Variants in NBEAL1 observed in about 807,000 individuals in gnomAD.
NBEAL1 encodes the protein neurobeachin-like protein 1.
Under a neutral mutation model 351.3 loss-of-function variants are expected in NBEAL1, and 273 were observed. The observed-to-expected ratio is 0.78, with a 90% confidence interval of 0.70 to 0.86. The LOEUF (loss-of-function observed/expected upper bound fraction) is 0.86. NBEAL1 is among the 40% of genes least tolerant of loss of function. The probability of loss-of-function intolerance (pLI) is 0.00; values close to 1 mark genes in which losing one functional copy is unlikely to be tolerated. For missense variants in NBEAL1, 2,961 were observed against 3,201.3 expected, an observed-to-expected ratio of 0.92 and a Z score of 1.81; for synonymous variants, 1,050 against 1,086.4, an observed-to-expected ratio of 0.97 and a Z score of 0.66.
At chr2:203,017,414 ATATATAT>A (rs2060699486) in intron 2 of NBEAL1, among the ~76,000 whole-genome samples, 1 of 152,150 alleles carries the variant, frequency 6.6e-6, no homozygotes, top group African/African-American at 2.4e-5. Context: ...TCCTGGTTTG[ATATATAT>A]TATAATTGCT....
intron 21 of NBEAL1, 98 bp downstream of exon 21, chr2:203,126,191 T>C: frequency 8.1e-7 from 1 of 1,233,854 alleles, no homozygotes; most frequent in Non-Finnish European, 1.1e-6. Flanking sequence ...TTAAAGATTA[T>C]TACAACTTGA....
At chr2:203,081,000 A>G (rs1162234693) in intron 8 of NBEAL1, among the ~76,000 whole-genome samples, 3 of 152,224 alleles carry the variant, frequency 2.0e-5, no homozygotes, top group African/African-American at 4.8e-5. Context: ...GGAGACCTCC[A>G]TAATGAAACC....
At chr2:203,107,300 C>A in intron 12 of NBEAL1, 120 bp from the exon 13 acceptor site, 2 of 509,270 alleles carry the variant, frequency 3.9e-6, no homozygotes, top group Non-Finnish European at 3.4e-6. Flanking sequence ...GAATTCGTGT[C>A]TTTTTCTTTA....
chr2:203,060,763 A>G (rs940211502), intron 6 of NBEAL1, among the ~76,000 whole-genome samples: 8 of 152,240 alleles, frequency 5.3e-5, no homozygotes, highest in East Asian at 1.9e-4. Flanking sequence ...ATTTGTGAGC[A>G]TTAATTTACA....
At chr2:203,015,055 C>T (rs2105978547) in intron 1 of NBEAL1, 73 bp downstream of exon 1, 1 of 152,900 alleles carries the variant, frequency 6.5e-6, no homozygotes, top group Non-Finnish European at 1.5e-5. Flanking sequence ...GGCCCCGGTG[C>T]TTGGTGGTGG....
At chr2:203,138,528 T>C (rs966664047) in intron 30 of NBEAL1, 92 bp from the exon 31 acceptor site, 1 of 1,306,322 alleles carries the variant, frequency 7.7e-7, no homozygotes, top group Admixed American at 2.6e-5. Flanking sequence ...TTTTGAAATA[T>C]TTGTGGTTTG....
rs1333203342 is a variant in NBEAL1 at position 203,224,350 on chromosome 2, C to T, written c.*6996C>T. ...CTTAACAGGTATGGCTTTCATTCCT[C>T]CAGTTGTTTGCTTTTATAGACTTGG... On this transcript the variant is annotated 3_prime_UTR_variant, in exon 56 of 56. Coordinates refer to ENST00000683969, the MANE Select transcript of NBEAL1 (RefSeq NM_001378026.1). 6.6e-6 allele frequency among the ~76,000 whole-genome samples: 1 copy of T among 152,004 alleles called. No homozygotes were observed. The highest frequency in any genetic ancestry group is 1.5e-5 in the Non-Finnish European group (1 of 67,938).
At chr2:203,137,147 A>G (rs1352005120) in intron 29 of NBEAL1, among the ~76,000 whole-genome samples, 1 of 152,160 alleles carries the variant, frequency 6.6e-6, no homozygotes, top group Non-Finnish European at 1.5e-5. Context: ...TATTTCTCTG[A>G]AGGATTTAGG....
Position 203,038,640 on chromosome 2 carries a change from T to C in NBEAL1, c.52-3125T>C, listed in dbSNP as rs368529242. Among the ~76,000 whole-genome samples, 19 of 149,154 alleles carry C rather than the reference T, an allele frequency of 1.3e-4. 2 individuals carry two copies. Among genetic ancestry groups the C allele is most frequent in the Admixed American group, 2.0e-4 (3 of 14,770 alleles). On this transcript the variant is annotated intron_variant, in intron 2 of 55. Coordinates refer to ENST00000683969, the MANE Select transcript of NBEAL1 (RefSeq NM_001378026.1). ...CAGTGTGGTTTGTCTTTCCATTTTCTTTTTTCTTTAGAGTCTCACTCTGGC... is the reference window on the plus strand; with the variant it reads ...CAGTGTGGTTTGTCTTTCCATTTTCCTTTTTCTTTAGAGTCTCACTCTGGC...
intron 6 of NBEAL1, among the ~76,000 whole-genome samples, chr2:203,065,646 G>A (rs1048625259): frequency 4.6e-5 from 7 of 152,134 alleles, no homozygotes; most frequent in Admixed American, 2.6e-4. Context: ...CAGCTACTCA[G>A]GAGGCTGAGG....
In NBEAL1 at chr2:203,209,320, A is replaced by G. The variant is rs2065705793; in HGVS notation, c.7783A>G (p.Lys2595Glu). Residue 2595 changes from lysine (K) to glutamate (E), a missense_variant and splice_region_variant, in exon 53 of 56, where the codon AAG becomes GAG. Physicochemically the swap from Lys to Glu is moderately conservative, Grantham distance 56 (BLOSUM62 1). Transcript: ENST00000683969. Reference sequence around the variant, plus strand: ...CAGCACTGAAGAAAAGACCACCCTCAAGGTATATGACCTTTCATGCAATAG... The same window carrying G: ...CAGCACTGAAGAAAAGACCACCCTCGAGGTATATGACCTTTCATGCAATAG... ...YSSTEEKTTL[K>E]DKNALHLFSI... 2.5e-6 allele frequency: 4 copies of G among 1,612,190 alleles called. No individual in the cohort carries two copies. The highest frequency in any genetic ancestry group is 1.3e-5 in the African/African-American group (1 of 74,876).
chr2:203,186,441 G>C (rs1021884048), intron 44 of NBEAL1, among the ~76,000 whole-genome samples: 1 of 152,120 alleles, frequency 6.6e-6, no homozygotes, highest in Non-Finnish European at 1.5e-5. Flanking sequence ...AAAGCAGGAG[G>C]CTCCTAGCAG....
At chr2:203,028,404 A>T (rs532217412) in intron 2 of NBEAL1, among the ~76,000 whole-genome samples, 9 of 152,112 alleles carry the variant, frequency 5.9e-5, no homozygotes, top group African/African-American at 2.2e-4. Context: ...AAGATATATA[A>T]CTTAATTGTA....
At chr2:203,077,369 CAA>C (rs1238099015) in intron 7 of NBEAL1, among the ~76,000 whole-genome samples, 1 of 149,996 alleles carries the variant, frequency 6.7e-6, no homozygotes, top group Non-Finnish European at 1.5e-5. Flanking sequence ...GACTCCATCT[CAA>C]AGGAAAAAAA....
At chr2:203,087,090 CTT>C (rs1003638123) in intron 10 of NBEAL1, among the ~76,000 whole-genome samples, 31 of 121,042 alleles carry the variant, frequency 2.6e-4, no homozygotes, top group African/African-American at 8.7e-4. Context: ...CTTTTTCACT[CTT>C]TTTTTTTTTT....
chr2:203,172,061 C>A, intron 40 of NBEAL1, 38 bp downstream of exon 40: 1 of 1,245,170 alleles, frequency 8.0e-7, no homozygotes, highest in Non-Finnish European at 1.1e-6. Context: ...TGGAATTGCC[C>A]TACAGTTTTA....
intron 20 of NBEAL1, 123 bp from the exon 21 acceptor site, chr2:203,125,837 C>T (rs1047512954): frequency 6.7e-6 from 5 of 748,394 alleles, no homozygotes; most frequent in African/African-American, 1.8e-5. Flanking sequence ...TACAATAGAG[C>T]GTTGGAAGCT....
chr2:203,202,782 G>GTAGT lies in NBEAL1; in HGVS notation c.7506+2_7506+5dup, dbSNP rs767877154. 5.1e-5 allele frequency: 77 copies of GTAGT among 1,518,908 alleles called. 1 individual carries two copies. In the South Asian group the frequency reaches 8.6e-4, roughly 17 times the overall value. The allele number at this position is 1,518,908 out of a possible 1,614,324, so 94.1% of individuals were successfully genotyped here. A position where few individuals can be genotyped will look rare whatever the true frequency, so the allele number is the denominator to read the frequency against. ...TATGATATGGCAAATAACACAACAG[G>GTAGT]TAGTCACACATTTAAATGTTCTTGA... On this transcript the variant is annotated splice_donor_variant, in intron 51 of 55. Transcript: ENST00000683969. LOFTEE classifies it high-confidence loss of function.
chr2:203,188,248 G>A (rs1373468872), intron 44 of NBEAL1, among the ~76,000 whole-genome samples: 1 of 152,020 alleles, frequency 6.6e-6, no homozygotes, highest in Admixed American at 6.6e-5. Context: ...AAATGCATAT[G>A]TTAATATTAA....
Sources: gnomAD v4.1 joint callset for allele counts (sites outside exome capture counted in the v4.1 genomes callset) on GRCh38, gnomAD v4.1.1 for gene constraint, MANE v1.5 for transcripts, NCBI Gene and HGNC (gene_info 2026-07-23, HGNC 2026-07-21) for gene names.